The following PHIP variants were observed in gnomAD, a reference collection of about 807,000 sequenced individuals.
PHIP encodes PH-interacting protein.
Under a neutral mutation model 236.8 loss-of-function variants are expected in PHIP, and 54 were observed. The observed-to-expected ratio is 0.23, with a 90% CI of 0.18 to 0.29. The LOEUF is 0.29. PHIP is among the 10% of genes least tolerant of loss of function. The probability of loss-of-function intolerance (pLI) is 1.00; values close to 1 mark genes in which losing one functional copy is unlikely to be tolerated. For synonymous variants in PHIP, 756 were observed against 718.9 expected, an observed-to-expected ratio of 1.05 and a Z score of -0.83; for missense variants, 1,370 against 2,190.8, an observed-to-expected ratio of 0.63 and a Z score of 7.48.
At chr6:79,009,983 C>T (rs1419084718) in intron 15 of PHIP, among the ~76,000 whole-genome samples, 1 of 151,348 alleles carries the variant, frequency 6.6e-6, no homozygotes, top group Non-Finnish European at 1.5e-5. Flanking sequence ...GAAACATAGA[C>T]TGGAAGCATC....
intron 6 of PHIP, among the ~76,000 whole-genome samples, chr6:79,043,292 A>G (rs1247997975): frequency 6.6e-6 from 1 of 151,280 alleles, no homozygotes; most frequent in African/African-American, 2.4e-5. Context: ...GCTCAGATTT[A>G]TTTACTCTCT....
chr6:78,991,560 G>A (rs1769248756), intron 19 of PHIP, among the ~76,000 whole-genome samples: 1 of 152,138 alleles, frequency 6.6e-6, no homozygotes, highest in South Asian at 2.1e-4. Context: ...ATGAACTCAT[G>A]AGAAGATAAT....
At chr6:78,949,715 G>A (rs550932378) in intron 35 of PHIP, among the ~76,000 whole-genome samples, 1 of 151,716 alleles carries the variant, frequency 6.6e-6, no homozygotes, top group South Asian at 2.1e-4. Flanking sequence ...AATGAGATAG[G>A]GTCTCACTCT....
At chr6:79,006,171 AATCTGC>A (rs1435705738) in intron 15 of PHIP, among the ~76,000 whole-genome samples, 1 of 152,018 alleles carries the variant, frequency 6.6e-6, no homozygotes, top group Admixed American at 6.6e-5. Flanking sequence ...GCATTAAAAG[AATCTGC>A]TTTACTCATG....
At chr6:79,077,145 G>T (rs1374286508) in intron 4 of PHIP, among the ~76,000 whole-genome samples, 1 of 151,908 alleles carries the variant, frequency 6.6e-6, no homozygotes, top group Non-Finnish European at 1.5e-5. Context: ...CGCCCGCACG[G>T]ACGCGCGCGC....
intron 10 of PHIP, among the ~76,000 whole-genome samples, 167 bp downstream of exon 10, chr6:79,018,922 T>A (rs968635953): frequency 6.6e-6 from 1 of 152,036 alleles, no homozygotes; most frequent in Non-Finnish European, 1.5e-5. Context: ...AAATGAAATA[T>A]TTCTAAGTTA....
At chr6:79,016,070 A>G (rs1770820910) in intron 13 of PHIP, among the ~76,000 whole-genome samples, 1 of 151,648 alleles carries the variant, frequency 6.6e-6, no homozygotes, top group Admixed American at 6.6e-5. Flanking sequence ...CATGCTGCTC[A>G]CTCTCCATCT....
At chr6:78,960,982 T>C (rs1469452561) in intron 31 of PHIP, among the ~76,000 whole-genome samples, 3 of 152,210 alleles carry the variant, frequency 2.0e-5, no homozygotes, top group South Asian at 2.1e-4. Flanking sequence ...AATTAAATTG[T>C]TGGACTGCTA....
At chr6:79,029,488 A>C (rs142390408) in intron 7 of PHIP, among the ~76,000 whole-genome samples, 5 of 152,316 alleles carry the variant, frequency 3.3e-5, no homozygotes, top group Non-Finnish European at 7.3e-5. Flanking sequence ...TATTGGGAAA[A>C]AATGTTTAAA....
At chr6:78,955,998 CTT>C (rs879879074) in intron 32 of PHIP, 6 of 179,968 alleles carry the variant, frequency 3.3e-5, no homozygotes, top group South Asian at 2.0e-4. Flanking sequence ...TCTTCCAACT[CTT>C]TCTTTTATTT....
chr6:79,035,192 C>A (rs774811739), intron 7 of PHIP, among the ~76,000 whole-genome samples: 2 of 152,112 alleles, frequency 1.3e-5, no homozygotes, highest in Non-Finnish European at 2.9e-5. Context: ...CAGAATTCAC[C>A]CCTACTGAAC....
chr6:79,042,419 ACAAG>A (rs978119173), intron 7 of PHIP, among the ~76,000 whole-genome samples: 27 of 152,062 alleles, frequency 1.8e-4, no homozygotes, highest in African/African-American at 6.5e-4. Context: ...TTTCTCATAG[ACAAG>A]CAAGTGATTT....
intron 6 of PHIP, among the ~76,000 whole-genome samples, chr6:79,057,880 T>C (rs1182075300): frequency 6.6e-6 from 1 of 152,162 alleles, no homozygotes; most frequent in East Asian, 1.9e-4. Flanking sequence ...CCCAACACCA[T>C]CCTGTTCATT....
At chr6:79,054,511 G>A (rs961605897) in intron 6 of PHIP, among the ~76,000 whole-genome samples, 1 of 151,308 alleles carries the variant, frequency 6.6e-6, no homozygotes, top group Non-Finnish European at 1.5e-5. Context: ...TATGGATTGA[G>A]TAAGAAAATG....
rs944061699 is a variant in PHIP at position 78,975,530 on chromosome 6, TAGGC to T, written c.2889+3058_2889+3061del. ...TGATGGAAGTTCTGGCCAGGGCAAT[TAGGC>T]AGGAGAAGGAAAGAAAGGGTATTCA... is the stretch of plus-strand genomic sequence containing the variant. On this transcript the variant is annotated intron_variant, in intron 24 of 39. Transcript: ENST00000275034. Among the ~76,000 whole-genome samples, 97 of 152,192 alleles carry T rather than the reference TAGGC, an allele frequency of 6.4e-4. 1 individual carries two copies. In the South Asian group the frequency reaches 8.1e-3, roughly 13 times the overall value.
intron 4 of PHIP, among the ~76,000 whole-genome samples, chr6:79,074,753 C>G (rs762864003): frequency 2.0e-5 from 3 of 152,080 alleles, no homozygotes; most frequent in Middle Eastern, 3.2e-3. Flanking sequence ...CAATTTTAAC[C>G]TGCAAACTTT....
chr6:78,978,343 T>G (rs1304215137), intron 24 of PHIP, among the ~76,000 whole-genome samples: 1 of 152,084 alleles, frequency 6.6e-6, no homozygotes, highest in East Asian at 1.9e-4. Context: ...AACCTCTTAC[T>G]AAAACATACA....
Position 78,938,652 on chromosome 6 carries a change from TTAAC to T in PHIP, c.*2037_*2040del, listed in dbSNP as rs539043280. 2.0e-5 allele frequency: 3 copies of T among 151,826 alleles called. No individual in the cohort carries two copies. The highest frequency in any genetic ancestry group is 4.1e-4 in the South Asian group (2 of 4,830). 9.4% of individuals were successfully genotyped at this position (151,826 alleles called of 1,614,324 possible). A position where few individuals can be genotyped will look rare whatever the true frequency, so the allele number is the denominator to read the frequency against. ...CATCCATTTCTGCATTATGAAGAGTTTAACTACTGAATTTTAATTTTATAGTTAA... is the reference window on the plus strand; with the variant it reads ...CATCCATTTCTGCATTATGAAGAGTTTACTGAATTTTAATTTTATAGTTAA... On this transcript the variant is annotated 3_prime_UTR_variant, in exon 40 of 40. Transcript: ENST00000275034.
In PHIP at chr6:78,938,239, G is replaced by C. The variant is rs1220636294; in HGVS notation, c.*2454C>G. 1 of 151,620 alleles carries C rather than the reference G, an allele frequency of 6.6e-6. No homozygotes were observed. The highest frequency in any genetic ancestry group is 1.5e-5 in the Non-Finnish European group (1 of 67,584). The allele number at this position is 151,620 out of a possible 1,614,324, so 9.4% of individuals were successfully genotyped here. A position where few individuals can be genotyped will look rare whatever the true frequency, so the allele number is the denominator to read the frequency against. ...GTTACTGTGCTTTACTAAGAAACCA[G>C]TGTCTAATAATGTCCAAATAAGGTC... On this transcript the variant is annotated 3_prime_UTR_variant, in exon 40 of 40. Coordinates refer to ENST00000275034, the MANE Select transcript of PHIP (RefSeq NM_017934.7).
Sources: allele counts gnomAD v4.1 joint callset (sites outside exome capture counted in the v4.1 genomes callset), GRCh38; gene constraint gnomAD v4.1.1; transcripts MANE v1.5; gene names NCBI Gene and HGNC (gene_info 2026-07-23, HGNC 2026-07-21).